Variants in ACKR3 observed in about 807,000 individuals in gnomAD.
The protein encoded by ACKR3 is C-X-C chemokine receptor type 7.
ACKR3 carries 6 observed loss-of-function variants against 22.4 expected under a neutral mutation model. The ratio of observed to expected loss-of-function variants is 0.27; its 90% CI spans 0.15 to 0.53. The LOEUF (loss-of-function observed/expected upper bound fraction) is 0.53. Ranked by LOEUF, ACKR3 falls within the 20% of genes least tolerant of loss-of-function variation. ACKR3 has a pLI of 0.96. For synonymous variants in ACKR3, 209 were observed against 205.2 expected (o/e 1.02, Z -0.16); for missense variants, 396 against 475.2 (o/e 0.83, Z 1.55).
rs1691429263 is a variant in ACKR3 at position 236,577,231 on chromosome 2, GCCATGCCCTTGTTGGAAGTTTC to G, written c.-26-3205_-26-3184del. ...CTCATTCAGCCCTTGGGCAGCAACA[GCCATGCCCTTGTTGGAAGTTTC>G]CCACTGTGCCACCCGGGAGGGGAGA... On this transcript the variant is annotated intron_variant, in intron 1 of 1. Coordinates refer to ENST00000272928, the MANE Select transcript of ACKR3 (RefSeq NM_020311.3). The surrounding 1 kb of genome is among the most constrained non-coding windows in gnomAD (Gnocchi z 5.6). Among the ~76,000 whole-genome samples the G allele has an allele frequency of 6.6e-6, 1 of 152,240 alleles. No homozygotes were observed. Among genetic ancestry groups the G allele is most frequent in the African/African-American group, 2.4e-5 (1 of 41,462 alleles).
At chr2:236,566,718 C>CCCTCCCTTCCTTCCTTCCTTCCTTCCTT (rs1553634520), upstream of ACKR3, among the ~76,000 whole-genome samples, 1 of 114,490 alleles carries the variant, frequency 8.7e-6, no homozygotes, top group Admixed American at 8.8e-5. Context: ...TCCTTTCCTT[C>CCCTCCCTTCCTTCCTTCCTTCCTTCCTT]CCTTCCTTCC....
At chr2:236,550,892 G>T in the ACKR3 span, among the ~76,000 whole-genome samples, 1 of 152,292 alleles carries the variant, frequency 6.6e-6, no homozygotes, top group African/African-American at 2.4e-5. This position sits in a 1 kb window ranked among gnomAD's most constrained non-coding sequence, Gnocchi z 4.6. Context: ...GCCCCGGCTG[G>T]GTGGCTGCAA....
the ACKR3 span, among the ~76,000 whole-genome samples, chr2:236,547,104 G>A: frequency 8.5e-5 from 13 of 152,296 alleles, no homozygotes; most frequent in East Asian, 2.3e-3. Flanking sequence ...CCTGTCCATA[G>A]ACACACATTG....
At chr2:236,573,923 G>A (rs910174840) in intron 1 of ACKR3, among the ~76,000 whole-genome samples, 4 of 152,182 alleles carry the variant, frequency 2.6e-5, no homozygotes, top group African/African-American at 9.7e-5. Context: ...CCTCAGCCAG[G>A]CTGGGTGACT....
chr2:236,577,877 G>A lies in ACKR3; in HGVS notation c.-26-2563G>A, dbSNP rs1209843457. 6.6e-6 allele frequency among the ~76,000 whole-genome samples: 1 copy of A among 152,228 alleles called. No individual in the cohort carries two copies. The highest frequency in any genetic ancestry group is 1.5e-5 in the Non-Finnish European group (1 of 68,042). On this transcript the variant is annotated intron_variant, in intron 1 of 1. Coordinates refer to ENST00000272928, the MANE Select transcript of ACKR3 (RefSeq NM_020311.3). This position sits in a 1 kb window ranked among gnomAD's most constrained non-coding sequence, Gnocchi z 5.6. ...GGAGCCCAAGCCAGGCGCCAGCCGA[G>A]CTCCCTCTGGACCCAGCTGCTGTCC... is the stretch of plus-strand genomic sequence containing the variant.
the ACKR3 span, among the ~76,000 whole-genome samples, chr2:236,556,468 AT>A: frequency 6.6e-6 from 1 of 152,228 alleles, no homozygotes; most frequent in East Asian, 1.9e-4. Flanking sequence ...TGGTCCTTAT[AT>A]GACGGGGGCA....
At chr2:236,554,614 A>C in the ACKR3 span, among the ~76,000 whole-genome samples, 1 of 152,192 alleles carries the variant, frequency 6.6e-6, no homozygotes, top group African/African-American at 2.4e-5. Context: ...TTGGGCACCA[A>C]GAAAGCTGTT....
At chr2:236,571,618 GAAAA>G (rs397988342) in intron 1 of ACKR3, among the ~76,000 whole-genome samples, 61 of 76,618 alleles carry the variant, frequency 8.0e-4, no homozygotes, top group South Asian at 1.2e-3. Flanking sequence ...CTTTCTGAAT[GAAAA>G]AAAAAAAAAA....
At chr2:236,548,179 C>T in the ACKR3 span, among the ~76,000 whole-genome samples, 2 of 151,932 alleles carry the variant, frequency 1.3e-5, no homozygotes, top group Non-Finnish European at 1.5e-5. This position sits in a 1 kb window ranked among gnomAD's most constrained non-coding sequence, Gnocchi z 4.3. Flanking sequence ...TTTGTTGTTC[C>T]TGCTTAATTC....
In ACKR3 at chr2:236,574,771, C is replaced by T. The variant is rs1209747164; in HGVS notation, c.-27+4847C>T. Among the ~76,000 whole-genome samples, 2 of 152,128 alleles carry T rather than the reference C, an allele frequency of 1.3e-5. No homozygotes were observed. The highest frequency in any genetic ancestry group is 2.9e-5 in the Non-Finnish European group (2 of 68,018). On this transcript the variant is annotated intron_variant, in intron 1 of 1. Transcript: ENST00000272928. This position sits in a 1 kb window ranked among gnomAD's most constrained non-coding sequence, Gnocchi z 5.6. ...CCCAGGCTGCTTGCTGCAGCACGGT[C>T]GTTGTCAAGGATACTTGGTTGATGA...
chr2:236,566,722 T>TCCCTTCCCTTCC (rs1553634514), upstream of ACKR3, among the ~76,000 whole-genome samples: 1 of 116,858 alleles, frequency 8.6e-6, no homozygotes, highest in African/African-American at 2.9e-5. Context: ...TTCCTTCCCT[T>TCCCTTCCCTTCC]CCTTCCTTCC....
chr2:236,579,584 C>G (rs569678549), intron 1 of ACKR3, among the ~76,000 whole-genome samples: 1 of 152,296 alleles, frequency 6.6e-6, no homozygotes, highest in East Asian at 1.9e-4. Context: ...GCAGGGAAAA[C>G]AGTTGGGAAA....
At chr2:236,571,146 A>G (rs1295157928) in intron 1 of ACKR3, among the ~76,000 whole-genome samples, 1 of 152,248 alleles carries the variant, frequency 6.6e-6, no homozygotes, top group Non-Finnish European at 1.5e-5. Context: ...TAGATTTTAA[A>G]TGGATAAACT....
At chr2:236,559,497 GT>G in the ACKR3 span, among the ~76,000 whole-genome samples, 1 of 152,236 alleles carries the variant, frequency 6.6e-6, no homozygotes, top group African/African-American at 2.4e-5. Context: ...TCCATCTGTG[GT>G]TTTTTGTATA....
At chr2:236,561,657 A>T in the ACKR3 span, among the ~76,000 whole-genome samples, 1 of 151,982 alleles carries the variant, frequency 6.6e-6, no homozygotes, top group East Asian at 1.9e-4. Flanking sequence ...ATGCCTGGCT[A>T]ATTTTTGTAT....
the ACKR3 span, among the ~76,000 whole-genome samples, chr2:236,551,887 G>T: frequency 6.6e-6 from 1 of 152,126 alleles, no homozygotes; most frequent in Non-Finnish European, 1.5e-5. Context: ...CTGAGACAGC[G>T]TTGCCCTGGT....
At chr2:236,549,771 A>G in the ACKR3 span, among the ~76,000 whole-genome samples, 1 of 152,170 alleles carries the variant, frequency 6.6e-6, no homozygotes, top group Non-Finnish European at 1.5e-5. This position sits in a 1 kb window ranked among gnomAD's most constrained non-coding sequence, Gnocchi z 5.3. Context: ...AGGTGCAACT[A>G]TGGTGGAGCC....
the ACKR3 span, among the ~76,000 whole-genome samples, chr2:236,540,523 T>A: frequency 2.6e-5 from 4 of 152,202 alleles, no homozygotes; most frequent in Non-Finnish European, 5.9e-5. Flanking sequence ...TAACTCAAAT[T>A]TGTCATTTTT....
the ACKR3 span, among the ~76,000 whole-genome samples, chr2:236,540,711 C>T: frequency 5.9e-5 from 9 of 152,098 alleles, no homozygotes; most frequent in Admixed American, 4.6e-4. Flanking sequence ...TTTTTCCTCA[C>T]GTGGTTATCC....
Sources: gnomAD v4.1 joint callset for allele counts (sites outside exome capture counted in the v4.1 genomes callset) on GRCh38, gnomAD v4.1.1 for gene constraint, Gnocchi (gnomAD v3.1) non-coding constraint, MANE v1.5 for transcripts, NCBI Gene and HGNC (gene_info 2026-07-23, HGNC 2026-07-21) for gene names.